RAB20: variants seen among roughly 807,000 people sequenced by gnomAD.
RAB20 encodes the protein ras-related protein Rab-20.
In RAB20, 2 loss-of-function variants were observed where a neutral mutation model predicts 3.7. The ratio of observed to expected loss-of-function variants is 0.54; its 90% CI spans 0.22 to 1.69. RAB20 has a LOEUF of 1.69. RAB20 is among the 40% of genes most tolerant of loss of function. RAB20 has a pLI of 0.19. For missense variants in RAB20, 276 were observed against 311.9 expected, an observed-to-expected ratio of 0.88 and a Z score of 0.87; for synonymous variants, 126 against 130.8, an observed-to-expected ratio of 0.96 and a Z score of 0.25.
intron 1 of RAB20, among the ~76,000 whole-genome samples, chr13:110,541,140 A>G (rs1033389284): frequency 1.3e-5 from 2 of 152,108 alleles, no homozygotes; most frequent in Admixed American, 1.3e-4. Context: ...GTAAAACCTG[A>G]CAGCTGATCT....
chr13:110,554,257 G>C (rs1885002485), intron 1 of RAB20, among the ~76,000 whole-genome samples: 1 of 152,240 alleles, frequency 6.6e-6, no homozygotes, highest in Non-Finnish European at 1.5e-5. Flanking sequence ...CCGAATGTCA[G>C]CCAGCCATGG....
At chr13:110,537,171 T>A (rs1035627575) in intron 1 of RAB20, among the ~76,000 whole-genome samples, 9 of 151,852 alleles carry the variant, frequency 5.9e-5, no homozygotes, top group African/African-American at 1.5e-4. Context: ...TTTTATTTTT[T>A]TTTTGGTACA....
chr13:110,552,261 C>A (rs1884965358), intron 1 of RAB20, among the ~76,000 whole-genome samples: 1 of 151,782 alleles, frequency 6.6e-6, no homozygotes, highest in Non-Finnish European at 1.5e-5. Context: ...CACCCATAAT[C>A]CCAGCTACTC....
Position 110,523,492 on chromosome 13 carries a change from C to A in RAB20, c.*173G>T. On this transcript the variant is annotated 3_prime_UTR_variant, in exon 2 of 2. Coordinates refer to ENST00000267328, the MANE Select transcript of RAB20 (RefSeq NM_017817.3). ...CCCCTCTGACAGAGACTGAGGAGAC[C>A]ACACACGTTGACCTCCTCTTCATAG... 1 of 1,257,070 alleles carries A rather than the reference C, an allele frequency of 8.0e-7. No homozygotes were observed. The highest frequency in any genetic ancestry group is 1.1e-6 in the Non-Finnish European group (1 of 935,260). The allele number at this position is 1,257,070 out of a possible 1,614,324, so 77.9% of individuals were successfully genotyped here. A position where few individuals can be genotyped will look rare whatever the true frequency, so the allele number is the denominator to read the frequency against.
chr13:110,538,667 C>G (rs969415617), intron 1 of RAB20, among the ~76,000 whole-genome samples: 2 of 149,964 alleles, frequency 1.3e-5, no homozygotes, highest in African/African-American at 2.5e-5. Context: ...GCTGAGCAAA[C>G]CCAAAAGTCA....
At chr13:110,542,724 G>A (rs1364575089) in intron 1 of RAB20, among the ~76,000 whole-genome samples, 1 of 152,214 alleles carries the variant, frequency 6.6e-6, no homozygotes, top group Non-Finnish European at 1.5e-5. Flanking sequence ...CACATCAGTG[G>A]AAGCTTAGGT....
Position 110,561,691 on chromosome 13 carries a change from G to C in RAB20, c.-172C>G, listed in dbSNP as rs1471497243. On this transcript the variant is annotated 5_prime_UTR_variant, in exon 1 of 2. Coordinates refer to ENST00000267328, the MANE Select transcript of RAB20 (RefSeq NM_017817.3). ...CGGGAGCTCAAGAGAGGAAGCGCGT[G>C]TGCGCGCCCGGGAAGGAGCTGGGTG... The C allele has an allele frequency of 1.7e-6, 2 of 1,205,552 alleles. No individual in the cohort carries two copies. The highest frequency in any genetic ancestry group is 4.5e-5 in the South Asian group (2 of 44,740). 74.7% of individuals were successfully genotyped at this position (1,205,552 alleles called of 1,614,324 possible). A position where few individuals can be genotyped will look rare whatever the true frequency, so the allele number is the denominator to read the frequency against.
intron 1 of RAB20, among the ~76,000 whole-genome samples, chr13:110,536,986 G>GTTTT (rs147636207): frequency 0.25 from 26,673 of 108,416 alleles, 3,406 homozygotes; most frequent in Middle Eastern, 0.37. Flanking sequence ...GTGTCCAAGT[G>GTTTT]TTTTTTTTTG....
chr13:110,545,785 A>T (rs1279421908), intron 1 of RAB20, among the ~76,000 whole-genome samples: 1 of 152,218 alleles, frequency 6.6e-6, no homozygotes, highest in Non-Finnish European at 1.5e-5. Context: ...AAAAGGGCAC[A>T]ATAGGAGTCT....
At chr13:110,528,533 G>GTTTTTAC (rs11280881) in intron 1 of RAB20, among the ~76,000 whole-genome samples, 41,626 of 151,754 alleles carry the variant, frequency 0.27, 5,980 homozygotes, top group Admixed American at 0.32. Context: ...GCATCATGAG[G>GTTTTTAC]TTTTTACATG....
chr13:110,523,475 ACAGAGACT>A lies in RAB20; in HGVS notation c.*182_*189del. ...TGTTTCCCACCTCCCCACCCCTCTG[ACAGAGACT>A]GAGGAGACCACACACGTTGACCTCC... On this transcript the variant is annotated 3_prime_UTR_variant, in exon 2 of 2. Transcript: ENST00000267328. 9.0e-7 allele frequency: 1 copy of A among 1,112,230 alleles called. No individual in the cohort carries two copies. The highest frequency in any genetic ancestry group is 1.2e-6 in the Non-Finnish European group (1 of 806,116). The allele number at this position is 1,112,230 out of a possible 1,614,324, so 68.9% of individuals were successfully genotyped here.
intron 1 of RAB20, among the ~76,000 whole-genome samples, chr13:110,543,239 C>T (rs1271937953): frequency 2.6e-5 from 4 of 152,130 alleles, no homozygotes; most frequent in African/African-American, 9.7e-5. Context: ...AGCGATCCTC[C>T]TGCCTCAGCC....
intron 1 of RAB20, among the ~76,000 whole-genome samples, chr13:110,532,964 A>T (rs1884570313): frequency 6.6e-6 from 1 of 152,252 alleles, no homozygotes; most frequent in Non-Finnish European, 1.5e-5. Context: ...CACAGGCATG[A>T]GCCACTGTGC....
At chr13:110,553,701 C>G (rs995456434) in intron 1 of RAB20, among the ~76,000 whole-genome samples, 1 of 152,196 alleles carries the variant, frequency 6.6e-6, no homozygotes, top group Admixed American at 6.5e-5. Context: ...CAAATGGTCT[C>G]CAGTCACACA....
chr13:110,527,318 A>T (rs1279167868), intron 1 of RAB20, among the ~76,000 whole-genome samples: 1 of 151,640 alleles, frequency 6.6e-6, no homozygotes, highest in Non-Finnish European at 1.5e-5. Context: ...AGCCAGACAG[A>T]CCTGTCTACT....
At chr13:110,534,875 C>A (rs1203816251) in intron 1 of RAB20, among the ~76,000 whole-genome samples, 1 of 152,188 alleles carries the variant, frequency 6.6e-6, no homozygotes, top group Non-Finnish European at 1.5e-5. Flanking sequence ...GCTCTGTCAC[C>A]CAGGCTGGAG....
At chr13:110,556,259 G>A (rs1452166062) in intron 1 of RAB20, among the ~76,000 whole-genome samples, 1 of 152,198 alleles carries the variant, frequency 6.6e-6, no homozygotes, top group Non-Finnish European at 1.5e-5. Flanking sequence ...AAAATCACAG[G>A]GGTCCTTTAA....
In RAB20 at chr13:110,555,795, TCTCA is replaced by T. The variant is rs753279759; in HGVS notation, c.172+5549_172+5552del. ...TTGGGTGGCAGATGGCGACTTTTAT[TCTCA>T]CTCTTTACCACGGCCACCGCGAGTG... On this transcript the variant is annotated intron_variant, in intron 1 of 1. Coordinates refer to ENST00000267328, the MANE Select transcript of RAB20 (RefSeq NM_017817.3). The surrounding 1 kb of genome is among the most constrained non-coding windows in gnomAD (Gnocchi z 4.0). Among the ~76,000 whole-genome samples, 108 of 152,284 alleles carry T rather than the reference TCTCA, an allele frequency of 7.1e-4. No homozygotes were observed. The highest frequency in any genetic ancestry group is 1.2e-3 in the Non-Finnish European group (82 of 68,022).
chr13:110,549,435 G>A (rs1443744618), intron 1 of RAB20, among the ~76,000 whole-genome samples: 1 of 152,158 alleles, frequency 6.6e-6, no homozygotes. Flanking sequence ...TTCATCCACG[G>A]TTCCTAGCTC....
Sources: gnomAD v4.1 joint callset for allele counts (sites outside exome capture counted in the v4.1 genomes callset) on GRCh38, gnomAD v4.1.1 for gene constraint, Gnocchi (gnomAD v3.1) non-coding constraint, MANE v1.5 for transcripts, NCBI Gene and HGNC (gene_info 2026-07-23, HGNC 2026-07-21) for gene names.